The following PFKP variants were observed in gnomAD, a reference collection of about 807,000 sequenced individuals.
PFKP encodes phosphofructokinase, platelet, also known as ATP-dependent 6-phosphofructokinase, platelet type.
A neutral mutation model predicts 94.3 loss-of-function variants in PFKP; 101 were observed. That is an observed-to-expected ratio of 1.07 (90% CI 0.91 to 1.26). The LOEUF is 1.26. Among genes scored for constraint, PFKP ranks in the 50% most tolerant of loss-of-function variants. PFKP has a pLI of 0.00. For synonymous variants in PFKP, 573 were observed against 432.6 expected, an observed-to-expected ratio of 1.32 and a Z score of -4.03; for missense variants, 1,145 against 1,103.3, an observed-to-expected ratio of 1.04 and a Z score of -0.53.
chr10:3,083,869 C>T (rs1489953853), intron 2 of PFKP, among the ~76,000 whole-genome samples: 1 of 152,156 alleles, frequency 6.6e-6, no homozygotes, highest in African/African-American at 2.4e-5. Flanking sequence ...TCTCGAACTC[C>T]TGACCTCAGG....
At chr10:3,069,112 C>T (rs1442010100) in intron 1 of PFKP, 2 of 473,892 alleles carry the variant, frequency 4.2e-6, no homozygotes, top group Non-Finnish European at 6.0e-6. Flanking sequence ...CCGCGCGCTC[C>T]CCAGGCCCGC....
In PFKP at chr10:3,113,208, C is replaced by A; in HGVS notation, c.1224+20C>A. 6.2e-7 allele frequency: 1 copy of A among 1,606,708 alleles called. No individual in the cohort carries two copies. The highest frequency in any genetic ancestry group is 8.5e-7 in the Non-Finnish European group (1 of 1,176,608). On this transcript the variant is annotated intron_variant, in intron 12 of 21. Transcript: ENST00000381125. ...CCAAAGGTAGGTGGCCGGCCTCCCGCGATGCCCCGACCTCTCCTGCGGGCC... is the reference window on the plus strand; with the variant it reads ...CCAAAGGTAGGTGGCCGGCCTCCCGAGATGCCCCGACCTCTCCTGCGGGCC...
chr10:3,098,654 C>CAG (rs370452321), intron 2 of PFKP, among the ~76,000 whole-genome samples: 4,075 of 119,592 alleles, frequency 0.034, 228 homozygotes, highest in African/African-American at 0.13. Flanking sequence ...GCCTGGGTGA[C>CAG]AGAGTGAGAC....
chr10:3,086,744 A>G (rs1377288491), intron 2 of PFKP, among the ~76,000 whole-genome samples: 1 of 152,138 alleles, frequency 6.6e-6, no homozygotes, highest in Non-Finnish European at 1.5e-5. Context: ...TCTTGGATGC[A>G]GTCCCTGGCC....
chr10:3,129,580 A>G (rs1838320125), intron 16 of PFKP: 4 of 511,722 alleles, frequency 7.8e-6, no homozygotes, highest in Non-Finnish European at 1.0e-5. Context: ...CAGGCCCCCA[A>G]AACGGGACAT....
Position 3,113,087 on chromosome 10 carries a change from G to A in PFKP, c.1155-32G>A, listed in dbSNP as rs753770578. 16 of 1,600,878 alleles carry A rather than the reference G, an allele frequency of 1.0e-5. No individual in the cohort carries two copies. In the East Asian group the frequency reaches 1.6e-4, roughly 16 times the overall value. ...GCCCTGAGTTGTGTCCGGTATTCTC[G>A]ACTCCGGTCCAACGACACCCTTTTC... On this transcript the variant is annotated intron_variant, in intron 11 of 21. Transcript: ENST00000381125.
intron 16 of PFKP, among the ~76,000 whole-genome samples, chr10:3,122,744 A>C (rs1355559174): frequency 6.6e-6 from 1 of 152,204 alleles, no homozygotes; most frequent in Non-Finnish European, 1.5e-5. Context: ...AGATGGCTCC[A>C]GTATACTGGC....
At chr10:3,119,309 G>T (rs1355112374) in intron 15 of PFKP, among the ~76,000 whole-genome samples, 1 of 152,054 alleles carries the variant, frequency 6.6e-6, no homozygotes, top group African/African-American at 2.4e-5. Context: ...TTTACTTTTA[G>T]AAAAAGTAAA....
rs201264536 is a variant in PFKP at position 3,120,058 on chromosome 10, C to T, written c.1683+14C>T. The stretch of plus-strand genomic sequence containing the variant: ...ACTATCACCGACGTAAGTCCGTGTG[C>T]GCCCTGCCAGGCGGGCGCCGGCTGA... On this transcript the variant is annotated intron_variant, in intron 16 of 21. Transcript: ENST00000381125. 12,388 of 1,613,114 alleles carry T rather than the reference C, an allele frequency of 7.7e-3. 84 individuals carry two copies. Among genetic ancestry groups the T allele is most frequent in the Middle Eastern group, 0.023 (139 of 6,060 alleles).
intron 1 of PFKP, among the ~76,000 whole-genome samples, chr10:3,077,501 C>T (rs1482688415): frequency 2.0e-5 from 3 of 151,688 alleles, no homozygotes; most frequent in South Asian, 4.2e-4. Flanking sequence ...CTCCTGACCT[C>T]GTGATCCGCC....
intron 16 of PFKP, among the ~76,000 whole-genome samples, chr10:3,127,697 A>ATCTGTCC (rs1335472731): frequency 3.9e-5 from 6 of 152,134 alleles, no homozygotes; most frequent in Admixed American, 2.6e-4. Flanking sequence ...CTTGACGGGG[A>ATCTGTCC]TCTGTCCTCT....
rs61731935 is a variant in PFKP at position 3,135,811 on chromosome 10, C to T, written c.2198C>T (p.Ala733Val). ...SKRNVIFQPV[A>V]ELKKQTDFEH... ...AGAAACGTTATTTTTCAACCTGTGG[C>T]AGAGCTGAAGAAGCAAACGGATTTT... The change falls in exon 21 of 22, where the codon GCA (alanine) becomes GTA (valine). Residue 733 changes from alanine to valine, a missense_variant. Ala to Val is a moderately conservative substitution (Grantham distance 64). This residue lies in a region of PFKP where 1,119 missense variants were observed against 1,062.8 expected (regional missense o/e 1.05). Coordinates refer to ENST00000381125, the MANE Select transcript of PFKP (RefSeq NM_002627.5). 1.1e-4 allele frequency: 182 copies of T among 1,612,738 alleles called. No homozygotes were observed. The highest frequency in any genetic ancestry group is 3.3e-4 in the Middle Eastern group (2 of 6,082).
At chr10:3,119,562 A>G (rs1230387308) in intron 15 of PFKP, among the ~76,000 whole-genome samples, 1 of 152,016 alleles carries the variant, frequency 6.6e-6, no homozygotes, top group East Asian at 1.9e-4. Flanking sequence ...ACGAGATTGC[A>G]CCACCTCACT....
intron 10 of PFKP, among the ~76,000 whole-genome samples, chr10:3,109,977 C>T (rs942322380): frequency 1.3e-5 from 2 of 152,124 alleles, no homozygotes; most frequent in Non-Finnish European, 2.9e-5. Context: ...CCTTCCCAAA[C>T]TTCTCCAGTT....
chr10:3,102,250 CAAAAAAAAAAA>C (rs757381364), intron 4 of PFKP, among the ~76,000 whole-genome samples: 2,837 of 54,940 alleles, frequency 0.052, 163 homozygotes, highest in African/African-American at 0.16. Context: ...GACTCTGTCT[CAAAAAAAAAAA>C]AAAAAAAAAA....
chr10:3,086,732 A>G (rs1002708716), intron 2 of PFKP, among the ~76,000 whole-genome samples: 1 of 152,056 alleles, frequency 6.6e-6, no homozygotes. Flanking sequence ...GTGAGGGCCT[A>G]ATCTTGGATG....
intron 1 of PFKP, among the ~76,000 whole-genome samples, chr10:3,081,034 C>T (rs961599873): frequency 8.6e-5 from 13 of 152,024 alleles, no homozygotes; most frequent in African/African-American, 2.7e-4. Context: ...GTAGGTCATT[C>T]GAATTCTTTG....
At chr10:3,125,781 G>A (rs1158534064) in intron 16 of PFKP, among the ~76,000 whole-genome samples, 2 of 152,250 alleles carry the variant, frequency 1.3e-5, no homozygotes, top group African/African-American at 4.8e-5. Flanking sequence ...TGGGTGTGGT[G>A]CTGACACCCA....
At chr10:3,069,195 C>T in intron 1 of PFKP, 1 of 1,257,778 alleles carries the variant, frequency 8.0e-7, no homozygotes, top group African/African-American at 1.6e-5. Context: ...CCCCGCAGCC[C>T]GCCCTGCAGC....
Sources: gnomAD v4.1 joint callset for allele counts (sites outside exome capture counted in the v4.1 genomes callset) on GRCh38, gnomAD v4.1.1 for gene constraint, gnomAD v4.1.1 regional missense constraint, MANE v1.5 for transcripts, NCBI Gene and HGNC (gene_info 2026-07-23, HGNC 2026-07-21) for gene names.